Variants in CSTF2T observed in about 807,000 individuals in gnomAD.
The protein encoded by CSTF2T is cleavage stimulation factor subunit 2 tau variant, also known as CF-1 64 kDa subunit tau.
Under a neutral mutation model 39.9 loss-of-function variants are expected in CSTF2T, and 18 were observed. The observed-to-expected ratio is 0.45, with a 90% CI of 0.31 to 0.67. CSTF2T has a LOEUF of 0.67. Ranked by LOEUF, CSTF2T falls within the 30% of genes least tolerant of loss-of-function variation. The pLI is 0.06. For synonymous variants in CSTF2T, 291 were observed against 276.4 expected (o/e 1.05, Z -0.52); for missense variants, 681 against 789.0 (o/e 0.86, Z 1.64).
Position 51,699,227 on chromosome 10 carries a change from G to A in CSTF2T, c.323C>T (p.Ala108Val). 1.9e-6 allele frequency: 3 copies of A among 1,614,066 alleles called. No individual in the cohort carries two copies. The highest frequency in any genetic ancestry group is 2.5e-6 in the Non-Finnish European group (3 of 1,180,008). ...KEELKSLGPA[A>V]PIIDSPYGDP... ...CCCATAGGGTGAGTCAATAATGGGC[G>A]CTGCAGGCCCAAGGCTCTTTAACTC... Residue 108 changes from alanine (A) to valine (V), a missense_variant, in exon 1 of 1, where the codon GCG (alanine) becomes GTG (valine). Physicochemically the swap from Ala to Val is moderately conservative, Grantham distance 64. Coordinates refer to ENST00000331173, the MANE Select transcript of CSTF2T (RefSeq NM_015235.3).
chr10:51,697,950 G>T lies in CSTF2T; in HGVS notation c.1600C>A (p.Gln534Lys). 1 of 1,598,714 alleles carries T rather than the reference G, an allele frequency of 6.3e-7. No homozygotes were observed. The highest frequency in any genetic ancestry group is 8.5e-7 in the Non-Finnish European group (1 of 1,172,550). Residue 534 changes from glutamine (Q) to lysine (K), a missense_variant, in exon 1 of 1, where the codon CAA becomes AAA. By Grantham distance (53) the Gln-to-Lys change is moderately conservative. This residue lies in a region of CSTF2T where 282 missense variants were observed against 289.2 expected (regional missense o/e 0.98). Coordinates refer to ENST00000331173, the MANE Select transcript of CSTF2T (RefSeq NM_015235.3). Reference sequence around the variant, plus strand: ...CCTCCTCCTTGTATACTGACTCCTTGTATGCCTGCCCCCTGCATCCCTCCT... The same window carrying T: ...CCTCCTCCTTGTATACTGACTCCTTTTATGCCTGCCCCCTGCATCCCTCCT... ...QGGGMQGAGI[Q>K]GVSIQGGGIQ... is the part of the protein sequence containing the mutation.
chr10:51,698,942 C>A lies in CSTF2T; in HGVS notation c.608G>T (p.Gly203Val). 6.2e-7 allele frequency: 1 copy of A among 1,614,194 alleles called. No individual in the cohort carries two copies. The highest frequency in any genetic ancestry group is 1.3e-5 in the African/African-American group (1 of 75,062). Residue 203 changes from glycine to valine, a missense_variant, in exon 1 of 1, where the codon GGC becomes GTC. Coordinates refer to ENST00000331173, the MANE Select transcript of CSTF2T (RefSeq NM_015235.3). ...RKIHVTPLIPGKSQSVSVSGP... is the reference protein window; with the variant it reads ...RKIHVTPLIPVKSQSVSVSGP... ...AGAGACAGACACAGACTGAGATTTG[C>A]CTGGGATCAGTGGTGTGACATGTAT... is the stretch of plus-strand genomic sequence containing the variant.
chr10:51,698,972 C>T lies in CSTF2T; in HGVS notation c.578G>A (p.Arg193Gln). 1.9e-6 allele frequency: 3 copies of T among 1,614,228 alleles called. No individual in the cohort carries two copies. Among genetic ancestry groups the T allele is most frequent in the Middle Eastern group, 1.6e-4 (1 of 6,062 alleles). Reference protein sequence around the residue: ...DPEIALKILHRKIHVTPLIPG... With the variant: ...DPEIALKILHQKIHVTPLIPG... ...GATCAGTGGTGTGACATGTATCTTC[C>T]GATGCAGAATTTTCAGAGCAATCTC... The change falls in exon 1 of 1, where the codon CGG becomes CAG. Residue 193 changes from arginine to glutamine, a missense_variant. Around this residue, in one of 4 missense-constraint regions of CSTF2T, gnomAD observed 329 missense variants for 344.1 expected, o/e 0.96. Transcript: ENST00000331173.
Position 51,698,248 on chromosome 10 carries a change from C to G in CSTF2T, c.1302G>C (p.Glu434Asp), listed in dbSNP as rs1410669921. Residue 434 changes from glutamate (E) to aspartate (D), a missense_variant, in exon 1 of 1, where the codon GAG (glutamate) becomes GAC (aspartate). This residue lies in a region of CSTF2T where 282 missense variants were observed against 289.2 expected (regional missense o/e 0.98). Coordinates refer to ENST00000331173, the MANE Select transcript of CSTF2T (RefSeq NM_015235.3). Reference protein sequence around the residue: ...ETEVLETRVMERRGMETCAME... With the variant: ...ETEVLETRVMDRRGMETCAME... Reference sequence around the variant, plus strand: ...TCGCACAGGTCTCCATTCCTCTCCTCTCCATTACACGTGTCTCTAAGACCT... The same window carrying G: ...TCGCACAGGTCTCCATTCCTCTCCTGTCCATTACACGTGTCTCTAAGACCT... The G allele has an allele frequency of 6.2e-7, 1 of 1,614,196 alleles. No homozygotes were observed. Among genetic ancestry groups the G allele is most frequent in the South Asian group, 1.1e-5 (1 of 91,082 alleles).
In CSTF2T at chr10:51,698,713, G is replaced by A. The variant is rs1340663438; in HGVS notation, c.837C>T (p.Ser279=). 4 of 1,614,234 alleles carry A rather than the reference G, an allele frequency of 2.5e-6. No individual in the cohort carries two copies. The highest frequency in any genetic ancestry group is 3.4e-6 in the Non-Finnish European group (4 of 1,180,042). Reference sequence around the variant, plus strand: ...GCTGCATTGCTCCTCCAGGAGTTAAGGAACCAGGACCAGCTCCGGGAACTG... The same window carrying A: ...GCTGCATTGCTCCTCCAGGAGTTAAAGAACCAGGACCAGCTCCGGGAACTG... The part of the protein sequence containing the change: ...PAAVPGAGPG[S]LTPGGAMQPQ... The change falls in exon 1 of 1, where the codon TCC becomes TCT. Residue 279 remains serine, a synonymous_variant. Coordinates refer to ENST00000331173, the MANE Select transcript of CSTF2T (RefSeq NM_015235.3).
rs1412511309 is a variant in CSTF2T, at chr10:51,698,316, C to T, written c.1234G>A (p.Gly412Ser). ...QRGLPMDGRG[G>S]RDSRAMETRA... ...GTCTCCATCGCTCGAGAATCTCTAC[C>T]ACCTCTACCATCCATAGGTAGACCC... is the stretch of plus-strand genomic sequence containing the variant. The change falls in exon 1 of 1, where the codon GGT (glycine) becomes AGT (serine). Residue 412 changes from glycine to serine, a missense_variant. This residue lies in a region of CSTF2T where 282 missense variants were observed against 289.2 expected (regional missense o/e 0.98). Transcript: ENST00000331173. 24 of 1,613,880 alleles carry T rather than the reference C, an allele frequency of 1.5e-5. No homozygotes were observed. The highest frequency in any genetic ancestry group is 1.9e-5 in the Non-Finnish European group (22 of 1,179,766).
chr10:51,696,785 C>A lies in CSTF2T; in HGVS notation c.*914G>T, dbSNP rs1841304689. ...AAACTCAGATCTTTACTTAGTGAAA[C>A]CTTCCACTACTTATGAAAAGTCAAA... On this transcript the variant is annotated 3_prime_UTR_variant, in exon 1 of 1. Coordinates refer to ENST00000331173, the MANE Select transcript of CSTF2T (RefSeq NM_015235.3). The A allele has an allele frequency of 6.6e-6, 1 of 152,046 alleles. No homozygotes were observed. Among genetic ancestry groups the A allele is most frequent in the South Asian group, 2.1e-4 (1 of 4,810 alleles). The allele number at this position is 152,046 out of a possible 1,614,324, so 9.4% of individuals were successfully genotyped here.
rs575311852 is a variant in CSTF2T, at chr10:51,698,890, CCCAGGG to C, written c.654_659del (p.Pro219_Gly220del). ...GCAGAACATTAGGTCCTGGGCAGAG[CCCAGGG>C]CCAGGGCCAGGGCCAGGGCCAGAGA... On this transcript the variant is annotated inframe_deletion, in exon 1 of 1. Coordinates refer to ENST00000331173, the MANE Select transcript of CSTF2T (RefSeq NM_015235.3). 1.9e-5 allele frequency: 31 copies of C among 1,613,818 alleles called. No homozygotes were observed. Among genetic ancestry groups the C allele is most frequent in the Middle Eastern group, 1.6e-4 (1 of 6,082 alleles).
rs959147080 is a variant in CSTF2T, at chr10:51,696,307, A to G, written c.*1392T>C. On this transcript the variant is annotated 3_prime_UTR_variant, in exon 1 of 1. Transcript: ENST00000331173. ...GGTGGAGCAAATGGACACCATCTGT[A>G]TAAGAAAGCCAGATACCAAGAAACT... 3.3e-5 allele frequency: 5 copies of G among 152,176 alleles called. No individual in the cohort carries two copies. Among genetic ancestry groups the G allele is most frequent in the Admixed American group, 6.5e-5 (1 of 15,278 alleles). 9.4% of individuals were successfully genotyped at this position (152,176 alleles called of 1,614,324 possible). A position where few individuals can be genotyped will look rare whatever the true frequency, so the allele number is the denominator to read the frequency against.
rs764364012 is a variant in CSTF2T, at chr10:51,699,586, C to G, written c.-37G>C. 1.5e-5 allele frequency: 23 copies of G among 1,577,058 alleles called. No homozygotes were observed. The African/African-American group carries it at 1.6e-4, about 11-fold the overall frequency. On this transcript the variant is annotated 5_prime_UTR_variant, in exon 1 of 1. Coordinates refer to ENST00000331173, the MANE Select transcript of CSTF2T (RefSeq NM_015235.3). ...TGCAGACAGCCGATAGCGGATTCTT[C>G]GAGGCGTCTGTCCTCTTGCGACCGA...
Position 51,695,692 on chromosome 10 carries a change from GGGA to G in CSTF2T, c.*2004_*2006del, listed in dbSNP as rs1295118304. Reference sequence around the variant, plus strand: ...ACGCGAGTTATCCTCTCCAATATAGGGGAGGCATATAGGAAACATGGGAAAGTA... The same window carrying G: ...ACGCGAGTTATCCTCTCCAATATAGGGGCATATAGGAAACATGGGAAAGTA... On this transcript the variant is annotated 3_prime_UTR_variant, in exon 1 of 1. Transcript: ENST00000331173. 6.6e-6 allele frequency: 1 copy of G among 152,104 alleles called. No homozygotes were observed. The highest frequency in any genetic ancestry group is 2.4e-5 in the African/African-American group (1 of 41,422). 9.4% of individuals were successfully genotyped at this position (152,104 alleles called of 1,614,324 possible).
chr10:51,697,545 CAGAA>C lies in CSTF2T; in HGVS notation c.*150_*153del, dbSNP rs918258323. On this transcript the variant is annotated 3_prime_UTR_variant, in exon 1 of 1. Coordinates refer to ENST00000331173, the MANE Select transcript of CSTF2T (RefSeq NM_015235.3). ...CCCTCAATTAAAAAAAAAAGGAAAACAGAAAGAAAGAAAAAGAACAAAAAATAAG... is the reference window on the plus strand; with the variant it reads ...CCCTCAATTAAAAAAAAAAGGAAAACAGAAAGAAAAAGAACAAAAAATAAG... 5.8e-5 allele frequency: 44 copies of C among 760,032 alleles called. No individual in the cohort carries two copies. The highest frequency in any genetic ancestry group is 1.2e-4 in the South Asian group (6 of 49,496). 47.1% of individuals were successfully genotyped at this position (760,032 alleles called of 1,614,324 possible).
Position 51,697,937 on chromosome 10 carries a change from A to T in CSTF2T, c.1613T>A (p.Ile538Lys). The change falls in exon 1 of 1, where the codon ATA (isoleucine) becomes AAA (lysine). Residue 538 changes from isoleucine (I) to lysine (K), a missense_variant. Ile to Lys is a moderately radical substitution (Grantham distance 102). Around this residue, in one of 4 missense-constraint regions of CSTF2T, gnomAD observed 282 missense variants for 289.2 expected, o/e 0.98. Transcript: ENST00000331173. ...MQGAGIQGVS[I>K]QGGGIQGGGI... is the part of the protein sequence containing the mutation. Reference sequence around the variant, plus strand: ...TCCTCCTTGTATACCTCCTCCTTGTATACTGACTCCTTGTATGCCTGCCCC... The same window carrying T: ...TCCTCCTTGTATACCTCCTCCTTGTTTACTGACTCCTTGTATGCCTGCCCC... 6.3e-7 allele frequency: 1 copy of T among 1,598,908 alleles called. No individual in the cohort carries two copies. Among genetic ancestry groups the T allele is most frequent in the South Asian group, 1.1e-5 (1 of 89,716 alleles).
Position 51,699,581 on chromosome 10 carries a change from T to C in CSTF2T, c.-32A>G, listed in dbSNP as rs901751745. 2.5e-6 allele frequency: 4 copies of C among 1,581,272 alleles called. No individual in the cohort carries two copies. In the African/African-American group the frequency reaches 5.4e-5, roughly 21 times the overall value. Reference sequence around the variant, plus strand: ...GGTTGTGCAGACAGCCGATAGCGGATTCTTCGAGGCGTCTGTCCTCTTGCG... The same window carrying C: ...GGTTGTGCAGACAGCCGATAGCGGACTCTTCGAGGCGTCTGTCCTCTTGCG... On this transcript the variant is annotated 5_prime_UTR_variant, in exon 1 of 1. Transcript: ENST00000331173.
Position 51,697,946 on chromosome 10 carries a change from C to T in CSTF2T, c.1604G>A (p.Gly535Glu). 6.3e-7 allele frequency: 1 copy of T among 1,598,286 alleles called. No individual in the cohort carries two copies. The highest frequency in any genetic ancestry group is 8.5e-7 in the Non-Finnish European group (1 of 1,172,224). The change falls in exon 1 of 1, where the codon GGA becomes GAA. Residue 535 changes from glycine (G) to glutamate (E), a missense_variant. By Grantham distance (98) the Gly-to-Glu change is moderately conservative (BLOSUM62 -2). Coordinates refer to ENST00000331173, the MANE Select transcript of CSTF2T (RefSeq NM_015235.3). The stretch of plus-strand genomic sequence containing the variant: ...TATACCTCCTCCTTGTATACTGACT[C>T]CTTGTATGCCTGCCCCCTGCATCCC... Reference protein sequence around the residue: ...GGGMQGAGIQGVSIQGGGIQG... With the variant: ...GGGMQGAGIQEVSIQGGGIQG...
At position 51,697,818 on chromosome 10, in the gene CSTF2T, C is replaced by A; in HGVS notation, c.1732G>T (p.Ala578Ser). ...QVTPQDQEKA[A>S]LIMQVLQLTA... ...AGTTGAAGAACCTGCATGATCAAAG[C>A]TGCCTTCTCCTGATCCTGTGGAGTG... is the stretch of plus-strand genomic sequence containing the variant. The change falls in exon 1 of 1, where the codon GCT becomes TCT. Residue 578 changes from alanine to serine, a missense_variant. Physicochemically the swap from Ala to Ser is moderately conservative, Grantham distance 99. Transcript: ENST00000331173. 6.2e-7 allele frequency: 1 copy of A among 1,614,178 alleles called. No individual in the cohort carries two copies. Among genetic ancestry groups the A allele is most frequent in the Non-Finnish European group, 8.5e-7 (1 of 1,180,034 alleles).
rs746593936 is a variant in CSTF2T at position 51,699,453 on chromosome 10, T to G, written c.97A>C (p.Lys33Gln). The G allele has an allele frequency of 8.7e-6, 14 of 1,614,014 alleles. No homozygotes were observed. The change falls in exon 1 of 1, where the codon AAG becomes CAG. Residue 33 changes from lysine to glutamine, a missense_variant. By Grantham distance (53) the Lys-to-Gln change is moderately conservative. Transcript: ENST00000331173. ...IPYEATEEQL[K>Q]DIFSEVGSVV... ...GAACCAACCTCCGAGAAAATGTCCT[T>G]TAACTGCTCCTCAGTTGCCTCATAT...
At position 51,697,502 on chromosome 10, in the gene CSTF2T, C is replaced by T. The variant is rs1409490788; in HGVS notation, c.*197G>A. On this transcript the variant is annotated 3_prime_UTR_variant, in exon 1 of 1. Transcript: ENST00000331173. ...TAAAGTAACTTAAAGTGAACAGACG[C>T]ACTCCCTCCTCCCCCCACCCTCAAT... 3.3e-5 allele frequency: 20 copies of T among 598,338 alleles called. No homozygotes were observed. The South Asian group carries it at 3.8e-4, about 11-fold the overall frequency. 37.1% of individuals were successfully genotyped at this position (598,338 alleles called of 1,614,324 possible). A position where few individuals can be genotyped will look rare whatever the true frequency, so the allele number is the denominator to read the frequency against.
Position 51,697,909 on chromosome 10 carries a change from ACCT to A in CSTF2T, c.1638_1640del (p.Gly547del). ...CACCTTGCTTGCTTGCCCCCTGTAT[ACCT>A]CCTCCTTGTATACCTCCTCCTTGTA... On this transcript the variant is annotated inframe_deletion, in exon 1 of 1. Coordinates refer to ENST00000331173, the MANE Select transcript of CSTF2T (RefSeq NM_015235.3). The A allele has an allele frequency of 6.2e-7, 1 of 1,600,122 alleles. No individual in the cohort carries two copies. Among genetic ancestry groups the A allele is most frequent in the Non-Finnish European group, 8.5e-7 (1 of 1,174,712 alleles).
Sources: gnomAD v4.1 joint callset for allele counts on GRCh38, gnomAD v4.1.1 for gene constraint, gnomAD v4.1.1 regional missense constraint, MANE v1.5 for transcripts, NCBI Gene and HGNC (gene_info 2026-07-23, HGNC 2026-07-21) for gene names.